Variants in PCMTD1 observed in about 807,000 individuals in gnomAD.
The protein encoded by PCMTD1 is protein-L-isoaspartate (D-aspartate) O-methyltransferase domain containing 1.
A neutral mutation model predicts 37.6 loss-of-function variants in PCMTD1; 12 were observed. The ratio of observed to expected loss-of-function variants is 0.32; its 90% CI spans 0.20 to 0.52. The LOEUF (loss-of-function observed/expected upper bound fraction) is 0.52. Among genes scored for constraint, PCMTD1 ranks in the 20% least tolerant of loss-of-function variants. The pLI, the probability that PCMTD1 is intolerant of heterozygous loss-of-function variation, is 0.97. For synonymous variants in PCMTD1, 117 were observed against 135.8 expected (o/e 0.86, Z 0.96); for missense variants, 235 against 421.3 (o/e 0.56, Z 3.87).
At chr8:51,821,049 T>A (rs1453305049) in intron 5 of PCMTD1, among the ~76,000 whole-genome samples, 1 of 152,124 alleles carries the variant, frequency 6.6e-6, no homozygotes, top group Non-Finnish European at 1.5e-5. Context: ...AGAGAGACTA[T>A]CCTGTGTATC....
At chr8:51,845,967 G>A (rs1014861084) in intron 2 of PCMTD1, among the ~76,000 whole-genome samples, 5 of 151,958 alleles carry the variant, frequency 3.3e-5, no homozygotes, top group Admixed American at 6.6e-5. Flanking sequence ...AAAAAAGTTC[G>A]CCTGAGTTTT....
chr8:51,821,578 C>G (rs1031300460), intron 5 of PCMTD1, among the ~76,000 whole-genome samples: 1 of 152,182 alleles, frequency 6.6e-6, no homozygotes, highest in Admixed American at 6.5e-5. Context: ...TGCAGACACA[C>G]TGGATGATTT....
At chr8:51,850,922 C>CA (rs1242610177) in intron 2 of PCMTD1, among the ~76,000 whole-genome samples, 1 of 152,016 alleles carries the variant, frequency 6.6e-6, no homozygotes, top group African/African-American at 2.4e-5. Flanking sequence ...TTTCTTTTCA[C>CA]AAATATCCTG....
rs2037815400 is a variant in PCMTD1 at position 51,819,664 on chromosome 8, CTTTGT to C, written c.*682_*686del. The C allele has an allele frequency of 6.6e-6, 1 of 152,534 alleles. No individual in the cohort carries two copies. Among genetic ancestry groups the C allele is most frequent in the Non-Finnish European group, 1.5e-5 (1 of 68,040 alleles). 9.4% of individuals were successfully genotyped at this position (152,534 alleles called of 1,614,324 possible). On this transcript the variant is annotated 3_prime_UTR_variant, in exon 6 of 6. Transcript: ENST00000522514. ...TATAAAGAGTTGTATTAAGTATAGA[CTTTGT>C]TTTAATAATTCACTTGCTGTGCTCT...
chr8:51,851,965 T>A (rs757303627), intron 2 of PCMTD1, among the ~76,000 whole-genome samples: 11 of 152,188 alleles, frequency 7.2e-5, no homozygotes, highest in Non-Finnish European at 1.2e-4. Flanking sequence ...TTTTTCTTAA[T>A]GCAATCATTT....
At chr8:51,868,479 G>A (rs116762062) in intron 1 of PCMTD1, among the ~76,000 whole-genome samples, 462 of 152,256 alleles carry the variant, frequency 3.0e-3, no homozygotes, top group African/African-American at 0.011. Context: ...GGACTGCTAT[G>A]CTTTGGCATC....
chr8:51,871,901 A>G (rs889520254), intron 1 of PCMTD1, among the ~76,000 whole-genome samples: 7 of 152,182 alleles, frequency 4.6e-5, no homozygotes, highest in African/African-American at 1.7e-4. Flanking sequence ...TTTAAAAAGA[A>G]GCTCTCTTGG....
intron 5 of PCMTD1, chr8:51,826,862 C>A (rs10110304): frequency 0.11 from 88,345 of 836,754 alleles, 8,457 homozygotes; most frequent in African/African-American, 0.44. Context: ...AACAAAAAAA[C>A]CACAGAAAGA....
chr8:51,857,957 G>A (rs186844254), intron 2 of PCMTD1, among the ~76,000 whole-genome samples: 5 of 151,984 alleles, frequency 3.3e-5, no homozygotes, highest in African/African-American at 4.8e-5. Context: ...GTGTCACCAC[G>A]CTCCAGCCTA....
intron 1 of PCMTD1, among the ~76,000 whole-genome samples, chr8:51,891,377 C>A (rs1031535024): frequency 5.9e-5 from 9 of 152,024 alleles, no homozygotes; most frequent in African/African-American, 2.2e-4. Flanking sequence ...TACTGAGACA[C>A]CTATCTCTAC....
At chr8:51,876,477 G>A (rs552213085) in intron 1 of PCMTD1, among the ~76,000 whole-genome samples, 2 of 152,178 alleles carry the variant, frequency 1.3e-5, no homozygotes, top group East Asian at 3.8e-4. Context: ...ACAGGCAGAT[G>A]TAAGAAACCC....
chr8:51,850,914 T>C (rs2038295560), intron 2 of PCMTD1, among the ~76,000 whole-genome samples: 1 of 152,194 alleles, frequency 6.6e-6, no homozygotes, highest in Admixed American at 6.5e-5. Context: ...TTTCACTCTT[T>C]CTTTTCACAA....
chr8:51,836,651 C>A (rs2038071075), intron 3 of PCMTD1, among the ~76,000 whole-genome samples: 1 of 151,996 alleles, frequency 6.6e-6, no homozygotes, highest in Non-Finnish European at 1.5e-5. Flanking sequence ...CCAAATTTGA[C>A]AAATTAAAAA....
chr8:51,880,302 C>T (rs537232441), intron 1 of PCMTD1, among the ~76,000 whole-genome samples: 55 of 152,196 alleles, frequency 3.6e-4, no homozygotes, highest in African/African-American at 1.3e-3. Context: ...TGCCCAACCT[C>T]AGTGGCAATT....
At chr8:51,888,530 C>T (rs2038894786) in intron 1 of PCMTD1, among the ~76,000 whole-genome samples, 2 of 152,054 alleles carry the variant, frequency 1.3e-5, no homozygotes, top group Admixed American at 6.5e-5. Context: ...TATAAATAAG[C>T]TTTGGGTTAA....
intron 3 of PCMTD1, among the ~76,000 whole-genome samples, chr8:51,836,940 G>A (rs777396672): frequency 2.9e-4 from 44 of 152,114 alleles, no homozygotes; most frequent in Non-Finnish European, 1.3e-4. Context: ...TGTAATAACT[G>A]GAGCTTCATG....
At chr8:51,859,248 T>A (rs1463253242) in intron 2 of PCMTD1, among the ~76,000 whole-genome samples, 1 of 152,000 alleles carries the variant, frequency 6.6e-6, no homozygotes, top group Non-Finnish European at 1.5e-5. Context: ...CCTCTTTTTT[T>A]TTTTAAAGAA....
chr8:51,852,081 CAATA>C (rs2038316768), intron 2 of PCMTD1, among the ~76,000 whole-genome samples: 1 of 152,190 alleles, frequency 6.6e-6, no homozygotes, highest in African/African-American at 2.4e-5. Context: ...CATAAATACT[CAATA>C]AATATTTACT....
chr8:51,876,317 C>T (rs2038712487), intron 1 of PCMTD1, among the ~76,000 whole-genome samples: 1 of 152,042 alleles, frequency 6.6e-6, no homozygotes, highest in African/African-American at 2.4e-5. Flanking sequence ...TAGACTATAT[C>T]CTATGATGAT....
Sources: gnomAD v4.1 joint callset for allele counts (sites outside exome capture counted in the v4.1 genomes callset) on GRCh38, gnomAD v4.1.1 for gene constraint, MANE v1.5 for transcripts, NCBI Gene and HGNC (gene_info 2026-07-23, HGNC 2026-07-21) for gene names.